EMC3: variants seen among roughly 807,000 people sequenced by gnomAD.
EMC3 encodes 30 kDa protein.
A neutral mutation model predicts 36.6 loss-of-function variants in EMC3; 13 were observed. The ratio of observed to expected loss-of-function variants is 0.35; its 90% CI spans 0.23 to 0.56. The LOEUF (loss-of-function observed/expected upper bound fraction) is 0.56. Ranked by LOEUF, EMC3 falls within the 20% of genes least tolerant of loss-of-function variation. The pLI is 0.84. For missense variants in EMC3, 220 were observed against 324.5 expected, an observed-to-expected ratio of 0.68 and a Z score of 2.47; for synonymous variants, 120 against 111.9, an observed-to-expected ratio of 1.07 and a Z score of -0.46.
chr3:9,985,154 T>G (rs2085956396), intron 1 of EMC3, among the ~76,000 whole-genome samples: 1 of 152,232 alleles, frequency 6.6e-6, no homozygotes, highest in African/African-American at 2.4e-5. Flanking sequence ...ACTTTTTATA[T>G]ATCAACTTTT....
chr3:10,008,072 A>C lies in EMC3; in HGVS notation c.-242+2951T>G, dbSNP rs562842015. The stretch of plus-strand genomic sequence containing the variant: ...GTCAATACTGGATGTCCCTCCACCC[A>C]ATGCCAGTTTGTACCCCCAGAAAGA... On this transcript the variant is annotated intron_variant, in intron 1 of 8. Coordinates refer to the EMC3 transcript ENST00000470827. Among the ~76,000 whole-genome samples, 5 of 152,198 alleles carry C rather than the reference A, an allele frequency of 3.3e-5. No individual in the cohort carries two copies. In the East Asian group the frequency reaches 9.7e-4, roughly 29 times the overall value.
At chr3:9,989,607 C>CTT (rs1253266547), upstream of EMC3, among the ~76,000 whole-genome samples, 9 of 152,208 alleles carry the variant, frequency 5.9e-5, no homozygotes, top group African/African-American at 1.7e-4. Context: ...ATCTTAAAAG[C>CTT]TTTCATGATG....
At chr3:9,979,605 T>A (rs974144802) in intron 1 of EMC3, among the ~76,000 whole-genome samples, 1 of 152,214 alleles carries the variant, frequency 6.6e-6, no homozygotes, top group African/African-American at 2.4e-5. Context: ...TGAAGAACGG[T>A]GATCAAAATA....
At chr3:10,006,908 T>A (rs1233404636) in intron 1 of EMC3, 1 of 329,878 alleles carries the variant, frequency 3.0e-6, no homozygotes, top group Non-Finnish European at 5.9e-6. Flanking sequence ...GGTTGTCGTC[T>A]GCCCGGCAAC....
upstream of EMC3, among the ~76,000 whole-genome samples, chr3:9,988,165 T>C (rs2086001632): frequency 6.6e-6 from 1 of 152,202 alleles, no homozygotes; most frequent in African/African-American, 2.4e-5. Context: ...TCAAATTACG[T>C]ATATGTATGT....
At chr3:10,001,870 G>T (rs1448147001) in intron 1 of EMC3, among the ~76,000 whole-genome samples, 1 of 151,828 alleles carries the variant, frequency 6.6e-6, no homozygotes, top group African/African-American at 2.4e-5. Context: ...GTGGTGGCGG[G>T]TGCCTGTAGT....
rs538675896 is a variant in EMC3 at position 9,975,075 on chromosome 3, G to A, written c.308-587C>T. Among the ~76,000 whole-genome samples, 43 of 151,176 alleles carry A rather than the reference G, an allele frequency of 2.8e-4. No individual in the cohort carries two copies. In the East Asian group the frequency reaches 8.0e-3, roughly 28 times the overall value. ...GGGGTTTCACCATGTCGGCCAGGCTGGTCTTGAACTCGTGACTGACCTCAA... is the reference window on the plus strand; with the variant it reads ...GGGGTTTCACCATGTCGGCCAGGCTAGTCTTGAACTCGTGACTGACCTCAA... On this transcript the variant is annotated intron_variant, in intron 3 of 7. Coordinates refer to ENST00000245046, the MANE Select transcript of EMC3 (RefSeq NM_001394674.1).
chr3:9,971,674 C>A (rs564928100), intron 5 of EMC3, among the ~76,000 whole-genome samples: 2 of 152,234 alleles, frequency 1.3e-5, no homozygotes, highest in South Asian at 2.1e-4. Flanking sequence ...TTTGTTTAGC[C>A]CAATGAGACT....
chr3:9,985,797 G>T (rs1402498979), intron 1 of EMC3, among the ~76,000 whole-genome samples: 1 of 152,156 alleles, frequency 6.6e-6, no homozygotes, highest in Non-Finnish European at 1.5e-5. Flanking sequence ...GGGGGGCTGA[G>T]GCAAGAGAAT....
chr3:9,987,899 T>C (rs1052911329), upstream of EMC3: 2 of 962,700 alleles, frequency 2.1e-6, no homozygotes, highest in Non-Finnish European at 3.3e-6. Context: ...ATATTAACTT[T>C]CTGCAGGTAA....
intron 1 of EMC3, among the ~76,000 whole-genome samples, chr3:9,981,259 A>G (rs1486882265): frequency 6.6e-6 from 1 of 152,166 alleles, no homozygotes; most frequent in Non-Finnish European, 1.5e-5. Context: ...ACGAAAAAAC[A>G]CTTGTCCAGT....
intron 1 of EMC3, chr3:10,006,998 T>G (rs1185646584): frequency 3.5e-6 from 1 of 283,906 alleles, no homozygotes; most frequent in Non-Finnish European, 6.9e-6. Context: ...TGACCGGTTC[T>G]TGCAAATCTT....
intron 3 of EMC3, among the ~76,000 whole-genome samples, chr3:9,975,598 G>A (rs952039666): frequency 2.6e-5 from 4 of 151,830 alleles, no homozygotes; most frequent in African/African-American, 9.7e-5. Context: ...GGATCACGAG[G>A]TCAGGAGATG....
intron 1 of EMC3, chr3:10,000,789 C>G (rs1406197565): frequency 2.1e-6 from 1 of 487,588 alleles, no homozygotes; most frequent in Non-Finnish European, 4.1e-6. Flanking sequence ...TGCCTTTGTT[C>G]TTATTGGTGT....
At chr3:10,005,856 C>A (rs959273997) in intron 1 of EMC3, among the ~76,000 whole-genome samples, 1 of 152,158 alleles carries the variant, frequency 6.6e-6, no homozygotes, top group East Asian at 1.9e-4. Context: ...AGGAAGTGCT[C>A]CACCATCAGA....
At chr3:10,005,435 G>T (rs1301054269) in intron 1 of EMC3, among the ~76,000 whole-genome samples, 2 of 152,050 alleles carry the variant, frequency 1.3e-5, no homozygotes, top group Non-Finnish European at 2.9e-5. Flanking sequence ...CCAGTGACCC[G>T]CCAGGGACAT....
chr3:9,969,432 T>G (rs2085763035), intron 7 of EMC3: 1 of 1,302,896 alleles, frequency 7.7e-7, no homozygotes, highest in African/African-American at 1.5e-5. Context: ...TTCAAATTAT[T>G]CTAAATGTTT....
At chr3:9,970,702 T>C (rs566809267) in intron 5 of EMC3, 41 bp from the exon 6 acceptor site, 3 of 1,604,462 alleles carry the variant, frequency 1.9e-6, no homozygotes, top group Non-Finnish European at 2.6e-6. Context: ...AGTTATTATA[T>C]CAGAGAGTAA....
chr3:9,992,933 A>AAGGG (rs2086072357), intron 1 of EMC3: 1 of 1,549,130 alleles, frequency 6.5e-7, no homozygotes, highest in Admixed American at 1.7e-5. Flanking sequence ...AGTACATTGA[A>AAGGG]AGGGTGCTAA....
Sources: gnomAD v4.1 joint callset for allele counts (sites outside exome capture counted in the v4.1 genomes callset) on GRCh38, gnomAD v4.1.1 for gene constraint, MANE v1.5 for transcripts, NCBI Gene and HGNC (gene_info 2026-07-23, HGNC 2026-07-21) for gene names.